The following DAB1 variants were observed in gnomAD, a reference collection of about 807,000 sequenced individuals.
The protein encoded by DAB1 is DAB adaptor protein 1.
Under a neutral mutation model 64.6 loss-of-function variants are expected in DAB1, and 15 were observed. That is an observed-to-expected ratio of 0.23 (90% CI 0.16 to 0.36). The LOEUF (loss-of-function observed/expected upper bound fraction) is 0.36, where lower values mean the gene tolerates loss of function less well. DAB1 is among the 10% of genes least tolerant of loss of function. DAB1 has a pLI of 1.00. For synonymous variants in DAB1, 235 were observed against 251.9 expected, an observed-to-expected ratio of 0.93 and a Z score of 0.64; for missense variants, 596 against 706.7, an observed-to-expected ratio of 0.84 and a Z score of 1.78.
intron 2 of DAB1, among the ~76,000 whole-genome samples, chr1:57,149,651 C>G (rs1454057405): frequency 6.6e-6 from 1 of 152,096 alleles, no homozygotes; most frequent in Non-Finnish European, 1.5e-5. Context: ...AATATCTATT[C>G]AAATCCCAGA....
chr1:58,147,874 T>TA (rs1654697364), intron 5 of DAB1, among the ~76,000 whole-genome samples: 1 of 148,514 alleles, frequency 6.7e-6, no homozygotes, highest in Admixed American at 6.8e-5. Flanking sequence ...GATATTAAAT[T>TA]AAAAAACTAT....
At chr1:57,452,354 T>C (rs965011897) in intron 7 of DAB1, among the ~76,000 whole-genome samples, 38 of 152,152 alleles carry the variant, frequency 2.5e-4, no homozygotes, top group African/African-American at 9.2e-4. Context: ...ATACTTGAAT[T>C]CTAGCTTACT....
chr1:58,337,103 G>A (rs765053148), intron 4 of DAB1, among the ~76,000 whole-genome samples: 10 of 151,852 alleles, frequency 6.6e-5, no homozygotes, highest in Non-Finnish European at 1.2e-4. Context: ...CCAACATGAC[G>A]AAACCCCATC....
At chr1:57,374,232 T>G (rs1337316351) in intron 1 of DAB1, among the ~76,000 whole-genome samples, 1 of 152,198 alleles carries the variant, frequency 6.6e-6, no homozygotes, top group Non-Finnish European at 1.5e-5. Flanking sequence ...GGCAGTAAGG[T>G]AAACAAAAGA....
chr1:57,293,269 C>T (rs991767387), intron 1 of DAB1, among the ~76,000 whole-genome samples: 1 of 152,118 alleles, frequency 6.6e-6, no homozygotes, highest in Admixed American at 6.6e-5. Flanking sequence ...AGAGACATCA[C>T]AGGCAGAAAG....
chr1:57,515,238 T>C (rs1348554004), intron 7 of DAB1, among the ~76,000 whole-genome samples: 1 of 152,234 alleles, frequency 6.6e-6, no homozygotes, highest in Admixed American at 6.5e-5. Flanking sequence ...GTGCAGACAC[T>C]TAGACACTGA....
At chr1:57,912,108 T>G (rs1355984338) in intron 5 of DAB1, among the ~76,000 whole-genome samples, 2 of 152,210 alleles carry the variant, frequency 1.3e-5, no homozygotes, top group Non-Finnish European at 2.9e-5. Context: ...ATTCCACTTC[T>G]GCAAATCTTA....
At chr1:57,257,537 G>C (rs1374183198) in intron 2 of DAB1, among the ~76,000 whole-genome samples, 1 of 152,190 alleles carries the variant, frequency 6.6e-6, no homozygotes. Context: ...GATGGTATCA[G>C]AACTTGGACT....
chr1:57,329,386 C>T (rs1294920042), intron 1 of DAB1, among the ~76,000 whole-genome samples: 4 of 152,144 alleles, frequency 2.6e-5, no homozygotes, highest in African/African-American at 9.7e-5. Context: ...GTTACAAAGT[C>T]ATTGGTAGAT....
At chr1:57,438,472 A>G (rs1021771143) in intron 7 of DAB1, among the ~76,000 whole-genome samples, 12 of 152,138 alleles carry the variant, frequency 7.9e-5, no homozygotes, top group African/African-American at 2.9e-4. Context: ...GGCTAAAACT[A>G]TAATGAACAA....
intron 4 of DAB1, among the ~76,000 whole-genome samples, chr1:58,281,976 T>A (rs1661574478): frequency 1.3e-5 from 2 of 152,140 alleles, no homozygotes; most frequent in Admixed American, 1.3e-4. Context: ...ATTACCATCA[T>A]CACATCTTCC....
intron 3 of DAB1, among the ~76,000 whole-genome samples, chr1:58,421,841 G>A (rs912034129): frequency 2.0e-5 from 3 of 152,156 alleles, no homozygotes; most frequent in Non-Finnish European, 4.4e-5. Flanking sequence ...TCATGAGGCC[G>A]CAGCAACAGA....
chr1:57,402,184 A>G (rs1558316508), intron 1 of DAB1, among the ~76,000 whole-genome samples: 1 of 152,122 alleles, frequency 6.6e-6, no homozygotes, highest in African/African-American at 2.4e-5. Flanking sequence ...GTCAGGAAAT[A>G]TTAATTTGCT....
At chr1:58,308,001 A>G (rs1162698931) in intron 4 of DAB1, among the ~76,000 whole-genome samples, 1 of 152,130 alleles carries the variant, frequency 6.6e-6, no homozygotes, top group Non-Finnish European at 1.5e-5. Flanking sequence ...CTTGAAGAAC[A>G]TGAGAAATTT....
intron 1 of DAB1, chr1:58,541,382 A>T (rs1459030046): frequency 6.7e-6 from 1 of 149,990 alleles, no homozygotes; most frequent in Non-Finnish European, 1.5e-5. Context: ...TCTATAATAT[A>T]AACTGCAAAA....
chr1:58,101,159 C>T (rs2100632034), intron 5 of DAB1, among the ~76,000 whole-genome samples: 1 of 151,840 alleles, frequency 6.6e-6, no homozygotes, highest in African/African-American at 2.4e-5. Flanking sequence ...TACTAAAAAA[C>T]ACAAAAAATT....
intron 5 of DAB1, among the ~76,000 whole-genome samples, chr1:58,010,518 T>G (rs947406611): frequency 3.3e-5 from 5 of 152,170 alleles, no homozygotes; most frequent in African/African-American, 1.2e-4. Flanking sequence ...TGTTTATGCA[T>G]CAAAAAAATC....
chr1:57,050,563 G>A (rs1649084790), intron 9 of DAB1, among the ~76,000 whole-genome samples: 1 of 152,096 alleles, frequency 6.6e-6, no homozygotes, highest in Non-Finnish European at 1.5e-5. Context: ...CCTGAATACT[G>A]TTCCACCCTT....
intron 4 of DAB1, among the ~76,000 whole-genome samples, chr1:58,154,940 CA>C (rs779412003): frequency 4.6e-5 from 7 of 152,180 alleles, no homozygotes; most frequent in Admixed American, 3.9e-4. Context: ...TTGCAAGAAG[CA>C]GCTACTACCC....
Sources: gnomAD v4.1 joint callset for allele counts (sites outside exome capture counted in the v4.1 genomes callset) on GRCh38, gnomAD v4.1.1 for gene constraint, MANE v1.5 for transcripts, NCBI Gene and HGNC (gene_info 2026-07-23, HGNC 2026-07-21) for gene names.